TSPAN11: variants seen among roughly 807,000 people sequenced by gnomAD.
TSPAN11 encodes tetraspanin 11.
In TSPAN11, 29 loss-of-function variants were observed where a neutral mutation model predicts 32.9. The ratio of observed to expected loss-of-function variants is 0.88; its 90% CI spans 0.66 to 1.20. TSPAN11 has a LOEUF of 1.20. TSPAN11 is among the 50% of genes most tolerant of loss of function. The probability of loss-of-function intolerance (pLI) is 0.00; values close to 1 mark genes in which losing one functional copy is unlikely to be tolerated. For missense variants in TSPAN11, 283 were observed against 329.1 expected (o/e 0.86, Z 1.08); for synonymous variants, 140 against 141.3 (o/e 0.99, Z 0.07).
rs143442811 is a variant in TSPAN11 at position 30,950,370 on chromosome 12, A to G, written c.-11-3611A>G. 1.2e-3 allele frequency among the ~76,000 whole-genome samples: 186 copies of G among 152,340 alleles called. 1 individual carries two copies. The highest frequency in any genetic ancestry group is 4.4e-3 in the African/African-American group (182 of 41,568). On this transcript the variant is annotated intron_variant, in intron 1 of 7. Transcript: ENST00000546076. ...TAAACAATGCAGAATTAAACTTTGA[A>G]TATCTGCAACATAGATTGACAATAG...
intron 1 of TSPAN11, among the ~76,000 whole-genome samples, chr12:30,952,834 A>C (rs1457889786): frequency 6.6e-6 from 1 of 152,228 alleles, no homozygotes; most frequent in Admixed American, 6.5e-5. Context: ...AGCATAAGCC[A>C]TGCCTCATTG....
In TSPAN11 at chr12:30,992,205, G is replaced by C. The variant is rs1310979099; in HGVS notation, c.*290G>C. On this transcript the variant is annotated 3_prime_UTR_variant, in exon 8 of 8. Transcript: ENST00000546076. The stretch of plus-strand genomic sequence containing the variant: ...CCCCTCACCAGGAACGGGGGCACCC[G>C]TGGACTACGGGAGGGTGGCGGTTGG... 2.0e-6 allele frequency: 1 copy of C among 505,272 alleles called. No individual in the cohort carries two copies. Among genetic ancestry groups the C allele is most frequent in the Non-Finnish European group, 3.6e-6 (1 of 279,090 alleles). 31.3% of individuals were successfully genotyped at this position (505,272 alleles called of 1,614,324 possible).
chr12:30,969,540 G>A (rs895747250), intron 3 of TSPAN11, among the ~76,000 whole-genome samples: 8 of 152,182 alleles, frequency 5.3e-5, no homozygotes, highest in East Asian at 1.9e-4. Flanking sequence ...CAAACATCCT[G>A]AAGAGCTGAC....
chr12:31,008,049 C>T, the TSPAN11 span, among the ~76,000 whole-genome samples: 1 of 152,090 alleles, frequency 6.6e-6, no homozygotes, highest in Non-Finnish European at 1.5e-5. Context: ...AGGCAGGTGG[C>T]CACACAGGGT....
At chr12:30,939,589 CAGG>C (rs1938118637) in intron 1 of TSPAN11, among the ~76,000 whole-genome samples, 1 of 152,194 alleles carries the variant, frequency 6.6e-6, no homozygotes, top group African/African-American at 2.4e-5. Context: ...AGTTCTGCAG[CAGG>C]AGAAGGGAGC....
chr12:30,982,941 G>A (rs1217029035), intron 6 of TSPAN11, 123 bp from the exon 7 acceptor site: 2 of 1,191,194 alleles, frequency 1.7e-6, no homozygotes, highest in East Asian at 2.5e-5. Context: ...GCAATTCAAG[G>A]TTGGGTCCAG....
At chr12:30,988,744 C>T (rs1422352899) in intron 7 of TSPAN11, among the ~76,000 whole-genome samples, 1 of 152,104 alleles carries the variant, frequency 6.6e-6, no homozygotes, top group Non-Finnish European at 1.5e-5. Context: ...AGTCCCCGGG[C>T]TCATCTTATT....
At chr12:30,938,524 A>G (rs1454973155) in intron 1 of TSPAN11, among the ~76,000 whole-genome samples, 1 of 152,198 alleles carries the variant, frequency 6.6e-6, no homozygotes, top group Non-Finnish European at 1.5e-5. Flanking sequence ...TGCTTGTCCA[A>G]TGAGCAGCTG....
Position 30,992,226 on chromosome 12 carries a change from G to A in TSPAN11, c.*311G>A, listed in dbSNP as rs1939330003. ...ACCCGTGGACTACGGGAGGGTGGCGGTTGGGTTCTCTGCTCCCTCCCAGCT... is the reference window on the plus strand; with the variant it reads ...ACCCGTGGACTACGGGAGGGTGGCGATTGGGTTCTCTGCTCCCTCCCAGCT... On this transcript the variant is annotated 3_prime_UTR_variant, in exon 8 of 8. Transcript: ENST00000546076. 4 of 444,976 alleles carry A rather than the reference G, an allele frequency of 9.0e-6. No individual in the cohort carries two copies. The highest frequency in any genetic ancestry group is 1.6e-5 in the Non-Finnish European group (4 of 243,420). 27.6% of individuals were successfully genotyped at this position (444,976 alleles called of 1,614,324 possible).
intron 1 of TSPAN11, among the ~76,000 whole-genome samples, chr12:30,951,109 AT>A (rs572379071): frequency 7.0e-4 from 106 of 152,312 alleles, no homozygotes; most frequent in Non-Finnish European, 1.4e-3. Context: ...CAATTAACGA[AT>A]TTGATCTAAC....
chr12:30,982,999 C>T lies in TSPAN11; in HGVS notation c.616-65C>T, dbSNP rs561891869. ...CTCAGCCTCTGCTGCAGTGACAGCC[C>T]GCCCTCCGTCCCCACCCATGCCTGC... On this transcript the variant is annotated intron_variant, in intron 6 of 7. Transcript: ENST00000546076. The T allele has an allele frequency of 2.6e-5, 40 of 1,520,960 alleles. No individual in the cohort carries two copies. In the Admixed American group the frequency reaches 3.0e-4, roughly 11 times the overall value. The allele number at this position is 1,520,960 out of a possible 1,614,324, so 94.2% of individuals were successfully genotyped here. A position where few individuals can be genotyped will look rare whatever the true frequency, so the allele number is the denominator to read the frequency against.
chr12:31,016,295 T>C, the TSPAN11 span, among the ~76,000 whole-genome samples: 18 of 151,818 alleles, frequency 1.2e-4, no homozygotes, highest in Non-Finnish European at 1.6e-4. Context: ...GAGTTTGAGG[T>C]TGGGATGATG....
intron 7 of TSPAN11, among the ~76,000 whole-genome samples, chr12:30,991,249 T>A (rs1939306978): frequency 6.6e-6 from 1 of 152,182 alleles, no homozygotes; most frequent in Admixed American, 6.5e-5. Flanking sequence ...TATTCTATGC[T>A]GACTGACAGG....
At chr12:30,987,569 T>G (rs1715646163) in intron 7 of TSPAN11, among the ~76,000 whole-genome samples, 1 of 151,480 alleles carries the variant, frequency 6.6e-6, no homozygotes, top group East Asian at 1.9e-4. Context: ...ATCATGCCAC[T>G]GCACTCCAGG....
intron 1 of TSPAN11, among the ~76,000 whole-genome samples, chr12:30,935,675 A>G (rs927949021): frequency 6.6e-6 from 1 of 152,048 alleles, no homozygotes; most frequent in African/African-American, 2.4e-5. Context: ...GTTCTTTTGG[A>G]AAAGTATTTT....
intron 2 of TSPAN11, among the ~76,000 whole-genome samples, chr12:30,957,268 G>T (rs979931970): frequency 7.2e-6 from 1 of 139,054 alleles, no homozygotes; most frequent in Non-Finnish European, 1.5e-5. Flanking sequence ...GCCCCTCTGT[G>T]CTGCCAGGAT....
At position 30,975,877 on chromosome 12, in the gene TSPAN11, T is replaced by C. The variant is rs1028006185; in HGVS notation, c.277-2684T>C. 6.6e-6 allele frequency among the ~76,000 whole-genome samples: 1 copy of C among 151,950 alleles called. No homozygotes were observed. Among genetic ancestry groups the C allele is most frequent in the Non-Finnish European group, 1.5e-5 (1 of 67,980 alleles). On this transcript the variant is annotated intron_variant, in intron 3 of 7. Transcript: ENST00000546076. The surrounding 1 kb of genome is among the most constrained non-coding windows in gnomAD (Gnocchi z 4.5). ...ACCTCTTCCTCCCATGCCCCAGAGG[T>C]CTCTGGGAGCCACTGGCATCAATGC...
intron 3 of TSPAN11, among the ~76,000 whole-genome samples, chr12:30,974,515 C>T (rs554746824): frequency 1.5e-3 from 223 of 152,316 alleles, no homozygotes; most frequent in Non-Finnish European, 2.2e-3. Context: ...AGCTACTGCC[C>T]GCAGCATGGG....
At chr12:30,932,329 G>A (rs1937949417) in intron 1 of TSPAN11, among the ~76,000 whole-genome samples, 1 of 152,106 alleles carries the variant, frequency 6.6e-6, no homozygotes. Flanking sequence ...TGCAATGCCA[G>A]TTTAAAAGAC....
Sources: allele counts gnomAD v4.1 joint callset (sites outside exome capture counted in the v4.1 genomes callset), GRCh38; gene constraint gnomAD v4.1.1; non-coding constraint Gnocchi (gnomAD v3.1); transcripts MANE v1.5; gene names NCBI Gene and HGNC (gene_info 2026-07-23, HGNC 2026-07-21).